CDH12: variants seen among roughly 807,000 people sequenced by gnomAD.
CDH12 encodes the protein cadherin-12.
In CDH12, 41 loss-of-function variants were observed where a neutral mutation model predicts 74.1. That is an observed-to-expected ratio of 0.55 (90% CI 0.43 to 0.72). The LOEUF is 0.72. Ranked by LOEUF, CDH12 falls within the 30% of genes least tolerant of loss-of-function variation. CDH12 has a pLI of 0.00. For synonymous variants in CDH12, 399 were observed against 355.0 expected (o/e 1.12, Z -1.39); for missense variants, 945 against 977.2 (o/e 0.97, Z 0.44).
At chr5:22,325,781 A>C (rs7713389) in intron 3 of CDH12, among the ~76,000 whole-genome samples, 11 of 151,722 alleles carry the variant, frequency 7.3e-5, no homozygotes, top group Non-Finnish European at 1.2e-4. Flanking sequence ...GGTAGCGGTC[A>C]TCTGTAGTCC....
chr5:22,035,765 G>T (rs982312809), intron 5 of CDH12, among the ~76,000 whole-genome samples: 2 of 149,450 alleles, frequency 1.3e-5, no homozygotes, highest in Admixed American at 1.3e-4. Flanking sequence ...CCAGAGGAAG[G>T]TTTCCAAAAT....
chr5:22,650,951 T>C (rs543235540), intron 1 of CDH12, among the ~76,000 whole-genome samples: 6 of 152,082 alleles, frequency 3.9e-5, no homozygotes, highest in African/African-American at 9.7e-5. Flanking sequence ...ATCCATGTTG[T>C]AGGTTTTTAT....
At chr5:21,905,708 A>G (rs1753610080) in intron 6 of CDH12, among the ~76,000 whole-genome samples, 1 of 151,672 alleles carries the variant, frequency 6.6e-6, no homozygotes, top group Admixed American at 6.6e-5. Context: ...TCTAGTTTTG[A>G]GTCAATTACC....
chr5:22,299,762 T>G (rs1368705911), intron 3 of CDH12, among the ~76,000 whole-genome samples: 1 of 152,230 alleles, frequency 6.6e-6, no homozygotes, highest in African/African-American at 2.4e-5. Flanking sequence ...ATTAGTCAAT[T>G]TGTCTTTTGT....
chr5:22,150,871 T>C (rs1747528931), intron 4 of CDH12, among the ~76,000 whole-genome samples: 1 of 152,084 alleles, frequency 6.6e-6, no homozygotes, highest in African/African-American at 2.4e-5. Flanking sequence ...TAAGAGCACA[T>C]AGCTTGGTGA....
intron 6 of CDH12, chr5:21,884,460 G>C (rs1752523811): frequency 1.5e-6 from 1 of 656,506 alleles, no homozygotes; most frequent in Non-Finnish European, 2.7e-6. Context: ...ACTGGTTTCA[G>C]TTGACAAAAT....
At chr5:22,453,410 T>C (rs1186044476) in intron 2 of CDH12, among the ~76,000 whole-genome samples, 3 of 152,156 alleles carry the variant, frequency 2.0e-5, no homozygotes, top group Non-Finnish European at 4.4e-5. Context: ...AGCTATAAAA[T>C]AGAATGAAAT....
intron 2 of CDH12, among the ~76,000 whole-genome samples, chr5:22,450,480 T>A (rs1465617753): frequency 2.0e-5 from 3 of 151,956 alleles, no homozygotes; most frequent in African/African-American, 2.4e-5. Flanking sequence ...ATTCATCTTT[T>A]ATCATTCATA....
chr5:22,186,168 A>C (rs1210943845), intron 4 of CDH12, among the ~76,000 whole-genome samples: 1 of 152,218 alleles, frequency 6.6e-6, no homozygotes, highest in African/African-American at 2.4e-5. Context: ...TGTGCGGCAT[A>C]AGATTTAGGC....
chr5:22,011,023 CT>C (rs1034024287), intron 5 of CDH12, among the ~76,000 whole-genome samples: 4 of 152,006 alleles, frequency 2.6e-5, no homozygotes, highest in Non-Finnish European at 5.9e-5. Context: ...GTTTAGCTGA[CT>C]TTTTTAGTGT....
chr5:21,816,549 T>C (rs1322630088), intron 9 of CDH12, among the ~76,000 whole-genome samples: 2 of 137,794 alleles, frequency 1.5e-5, no homozygotes, highest in African/African-American at 2.8e-5. Context: ...CCCTTGAAAC[T>C]GGGATGCAGA....
At chr5:22,128,709 C>T (rs1321617624) in intron 4 of CDH12, among the ~76,000 whole-genome samples, 3 of 152,106 alleles carry the variant, frequency 2.0e-5, no homozygotes, top group Non-Finnish European at 4.4e-5. Flanking sequence ...CACTTCTTCT[C>T]CCCCACTGAG....
rs866523006 is a variant in CDH12, at chr5:21,878,002, C to T, written c.527-23212G>A. Among the ~76,000 whole-genome samples, 11 of 152,294 alleles carry T rather than the reference C, an allele frequency of 7.2e-5. No homozygotes were observed. In the Middle Eastern group the frequency reaches 0.014, roughly 188 times the overall value. On this transcript the variant is annotated intron_variant, in intron 6 of 14. Transcript: ENST00000382254. Reference sequence around the variant, plus strand: ...TGATTATTTCATAAACTCAAAGTCACGATGATGCCACATGACTTTGCAATA... The same window carrying T: ...TGATTATTTCATAAACTCAAAGTCATGATGATGCCACATGACTTTGCAATA...
At chr5:21,869,344 A>G (rs1048432404) in intron 6 of CDH12, among the ~76,000 whole-genome samples, 1 of 152,200 alleles carries the variant, frequency 6.6e-6, no homozygotes, top group East Asian at 1.9e-4. Context: ...GTAAAGAACC[A>G]TGAACAGCTG....
intron 4 of CDH12, among the ~76,000 whole-genome samples, chr5:22,188,255 G>C (rs945944498): frequency 4.6e-5 from 7 of 152,106 alleles, no homozygotes; most frequent in African/African-American, 1.7e-4. Context: ...GATTGTAATA[G>C]AGCCAGTGTG....
rs1438457535 is a variant in CDH12, at chr5:21,812,626, A to G, written c.1002+4319T>C. Among the ~76,000 whole-genome samples the G allele has an allele frequency of 2.6e-5, 4 of 152,154 alleles. No homozygotes were observed. The South Asian group carries it at 6.2e-4, about 24-fold the overall frequency. ...TTTGAATTTTTATGGGCTTTATTCAATGAGATATTTTCTCACATTTTTATT... is the reference window on the plus strand; with the variant it reads ...TTTGAATTTTTATGGGCTTTATTCAGTGAGATATTTTCTCACATTTTTATT... On this transcript the variant is annotated intron_variant, in intron 9 of 14. Transcript: ENST00000382254.
intron 3 of CDH12, among the ~76,000 whole-genome samples, chr5:22,312,931 C>G (rs1738454784): frequency 6.6e-6 from 1 of 152,164 alleles, no homozygotes; most frequent in South Asian, 2.1e-4. Context: ...TCAAGCTTTT[C>G]CCCTTTGTGT....
At chr5:22,529,891 G>A (rs1737509505) in intron 1 of CDH12, among the ~76,000 whole-genome samples, 1 of 152,086 alleles carries the variant, frequency 6.6e-6, no homozygotes. Flanking sequence ...CCCTCTGCAG[G>A]CTCACAGTCT....
chr5:22,242,711 G>A (rs770465628), intron 3 of CDH12, among the ~76,000 whole-genome samples: 1 of 152,112 alleles, frequency 6.6e-6, no homozygotes, highest in Non-Finnish European at 1.5e-5. Context: ...TCCTTTGAAA[G>A]CGATAGGTGG....
Sources: allele counts gnomAD v4.1 joint callset (sites outside exome capture counted in the v4.1 genomes callset), GRCh38; gene constraint gnomAD v4.1.1; transcripts MANE v1.5; gene names NCBI Gene and HGNC (gene_info 2026-07-23, HGNC 2026-07-21).